The following FLNB variants were observed in gnomAD, a reference collection of about 807,000 sequenced individuals.
The protein encoded by FLNB is filamin B, also known as filamin-B.
A neutral mutation model predicts 250.6 loss-of-function variants in FLNB; 111 were observed. The ratio of observed to expected loss-of-function variants is 0.44; its 90% CI spans 0.38 to 0.52. FLNB has a LOEUF of 0.52. Ranked by LOEUF, FLNB falls within the 20% of genes least tolerant of loss-of-function variation. FLNB has a pLI of 0.00. For missense variants in FLNB, 2,869 were observed against 3,447.8 expected, an observed-to-expected ratio of 0.83 and a Z score of 4.20; for synonymous variants, 1,302 against 1,372.1, an observed-to-expected ratio of 0.95 and a Z score of 1.13.
chr3:58,020,889 C>A (rs2097113014), intron 1 of FLNB, among the ~76,000 whole-genome samples: 1 of 151,990 alleles, frequency 6.6e-6, no homozygotes, highest in South Asian at 2.1e-4. Flanking sequence ...AAGCAGCAGT[C>A]AGCTTTCCTT....
chr3:58,031,241 A>G (rs1037573142), intron 1 of FLNB, among the ~76,000 whole-genome samples: 45 of 151,728 alleles, frequency 3.0e-4, no homozygotes, highest in Admixed American at 4.0e-4. Flanking sequence ...TGTGTCTTTT[A>G]TTTATTTATT....
At chr3:58,032,434 A>C (rs751548766) in intron 1 of FLNB, among the ~76,000 whole-genome samples, 42 of 152,170 alleles carry the variant, frequency 2.8e-4, no homozygotes, top group African/African-American at 3.6e-4. Flanking sequence ...TGAACGTGGC[A>C]GACTTGGGAT....
intron 41 of FLNB, among the ~76,000 whole-genome samples, chr3:58,156,371 A>T (rs1019086284): frequency 6.6e-5 from 10 of 152,234 alleles, no homozygotes; most frequent in Admixed American, 6.5e-4. Flanking sequence ...GCCTGTTCAT[A>T]ACTGGTTAAG....
At chr3:58,143,839 G>T (rs1397208974) in intron 32 of FLNB, among the ~76,000 whole-genome samples, 1 of 152,218 alleles carries the variant, frequency 6.6e-6, no homozygotes, top group Non-Finnish European at 1.5e-5. Context: ...AGGCCTTTGG[G>T]TCTGTGGTTG....
Position 58,159,482 on chromosome 3 carries a change from G to A in FLNB, c.6889-72G>A, listed in dbSNP as rs200891953. 1.3e-3 allele frequency: 1,886 copies of A among 1,489,026 alleles called. 3 individuals are homozygous for A. Among genetic ancestry groups the A allele is most frequent in the Non-Finnish European group, 1.6e-3 (1,738 of 1,067,006 alleles). The allele number at this position is 1,489,026 out of a possible 1,614,324, so 92.2% of individuals were successfully genotyped here. A position where few individuals can be genotyped will look rare whatever the true frequency, so the allele number is the denominator to read the frequency against. ...CATGAGAACTGTCACCCACAGTTTTGGGTAGGGTCAGTGTGTGCCACTGAG... is the reference window on the plus strand; with the variant it reads ...CATGAGAACTGTCACCCACAGTTTTAGGTAGGGTCAGTGTGTGCCACTGAG... On this transcript the variant is annotated intron_variant, in intron 41 of 45. Coordinates refer to ENST00000295956, the MANE Select transcript of FLNB (RefSeq NM_001457.4).
At position 58,077,082 on chromosome 3, in the gene FLNB, T is replaced by G; in HGVS notation, c.329T>G (p.Ile110Ser). The change falls in exon 2 of 46, where the codon ATC becomes AGC. Residue 110 changes from isoleucine (I) to serine (S), a missense_variant. Physicochemically the swap from Ile to Ser is moderately radical, Grantham distance 142. Around this residue, in one of 5 missense-constraint regions of FLNB, gnomAD observed 308 missense variants for 466.1 expected, o/e 0.66. Coordinates refer to ENST00000295956, the MANE Select transcript of FLNB (RefSeq NM_001457.4). ...ATTGTGGATGGGAACCTGAAGCTCA[T>G]CTTGGGTCTGGTGTGGACGCTGATC... ...KAIVDGNLKL[I>S]LGLVWTLILH... 3 of 1,614,142 alleles carry G rather than the reference T, an allele frequency of 1.9e-6. No homozygotes were observed. Among genetic ancestry groups the G allele is most frequent in the Non-Finnish European group, 2.5e-6 (3 of 1,180,012 alleles).
intron 4 of FLNB, 58 bp downstream of exon 4, chr3:58,081,834 T>C: frequency 6.3e-7 from 1 of 1,580,850 alleles, no homozygotes; most frequent in Non-Finnish European, 8.7e-7. Context: ...TTGGAGATGA[T>C]TTCATGGCTT....
rs1298759312 is a variant in FLNB, at chr3:58,139,368, C to T, written c.5109+839C>T. On this transcript the variant is annotated intron_variant, in intron 29 of 45. Transcript: ENST00000295956. ...GTCCTTTGATACTGTGGTCAGCAGC[C>T]GCACTTGACCACAAGGTTTATAGGC... Among the ~76,000 whole-genome samples, 6 of 152,150 alleles carry T rather than the reference C, an allele frequency of 3.9e-5. No individual in the cohort carries two copies. In the South Asian group the frequency reaches 6.2e-4, roughly 16 times the overall value.
Position 58,141,913 on chromosome 3 carries a change from C to T in FLNB, c.5165C>T (p.Pro1722Leu). ...VEEAPVNACP[P>L]GFRPWVTEEA... is the part of the protein sequence containing the mutation. ...GAGGCACCGGTAAATGCATGTCCCC[C>T]TGGATTCAGGCCCTGGGTACAATTT... Residue 1722 changes from proline (P) to leucine (L), a missense_variant, in exon 30 of 46, where the codon CCT (proline) becomes CTT (leucine). By Grantham distance (98) the Pro-to-Leu change is moderately conservative. Transcript: ENST00000295956. 9 of 1,614,158 alleles carry T rather than the reference C, an allele frequency of 5.6e-6. No individual in the cohort carries two copies. The highest frequency in any genetic ancestry group is 7.6e-6 in the Non-Finnish European group (9 of 1,179,998).
intron 1 of FLNB, among the ~76,000 whole-genome samples, chr3:58,033,683 G>A (rs1247591030): frequency 3.3e-5 from 5 of 152,086 alleles, no homozygotes; most frequent in African/African-American, 7.2e-5. Flanking sequence ...GAGCCACTAC[G>A]CCCTGCCAGT....
intron 1 of FLNB, among the ~76,000 whole-genome samples, chr3:58,014,046 T>C (rs992029801): frequency 2.0e-5 from 3 of 152,204 alleles, no homozygotes; most frequent in Non-Finnish European, 2.9e-5. Flanking sequence ...AAAAGGCTGT[T>C]ATAAAGATTA....
intron 43 of FLNB, among the ~76,000 whole-genome samples, chr3:58,167,516 A>G (rs566199644): frequency 1.3e-5 from 2 of 152,342 alleles, no homozygotes; most frequent in African/African-American, 4.8e-5. Context: ...CTGCATGGGG[A>G]TGCTATGCCA....
At chr3:58,119,138 C>A in intron 19 of FLNB, 149 bp downstream of exon 19, 1 of 716,854 alleles carries the variant, frequency 1.4e-6, no homozygotes, top group Non-Finnish European at 2.5e-6. Flanking sequence ...CGAATTAAGG[C>A]CGTGGTGTGA....
At position 58,141,728 on chromosome 3, in the gene FLNB, T is replaced by G. The variant is rs2097327460; in HGVS notation, c.5110-130T>G. 3.4e-6 allele frequency: 3 copies of G among 872,050 alleles called. No individual in the cohort carries two copies. In the Admixed American group the frequency reaches 5.4e-5, roughly 16 times the overall value. 54.0% of individuals were successfully genotyped at this position (872,050 alleles called of 1,614,324 possible). A position where few individuals can be genotyped will look rare whatever the true frequency, so the allele number is the denominator to read the frequency against. ...CTTCCAAAAGGGCAGTAAGAAAGTG[T>G]CCTTCGCTAGAGTGAGTGGCTCACT... On this transcript the variant is annotated intron_variant, in intron 29 of 45. Transcript: ENST00000295956.
Position 58,094,761 on chromosome 3 carries a change from A to G in FLNB, c.788-75A>G, listed in dbSNP as rs1026034036. Reference sequence around the variant, plus strand: ...CTGGGTCCCATCTCTCAGTTCCCTGAAAGAGATGCAGTGGGCGATGGCTCA... The same window carrying G: ...CTGGGTCCCATCTCTCAGTTCCCTGGAAGAGATGCAGTGGGCGATGGCTCA... On this transcript the variant is annotated intron_variant, in intron 4 of 45. Coordinates refer to ENST00000295956, the MANE Select transcript of FLNB (RefSeq NM_001457.4). The G allele has an allele frequency of 6.5e-6, 8 of 1,229,874 alleles. No individual in the cohort carries two copies. The East Asian group carries it at 1.9e-4, about 29-fold the overall frequency. 76.2% of individuals were successfully genotyped at this position (1,229,874 alleles called of 1,614,324 possible). A position where few individuals can be genotyped will look rare whatever the true frequency, so the allele number is the denominator to read the frequency against.
chr3:58,017,018 C>T (rs2097106703), intron 1 of FLNB, among the ~76,000 whole-genome samples: 1 of 152,138 alleles, frequency 6.6e-6, no homozygotes, highest in African/African-American at 2.4e-5. Flanking sequence ...TCTTCAGGAG[C>T]TTGAGAAGTG....
rs1461979492 is a variant in FLNB at position 58,132,821 on chromosome 3, A to G, written c.4404A>G (p.Pro1468=). The change falls in exon 26 of 46, where the codon CCA becomes CCG. Residue 1468 remains proline, a synonymous_variant. Transcript: ENST00000295956. ...RVLGPRGLVE[P]VNVVDNGDGT... is the part of the protein sequence containing the mutation. The stretch of plus-strand genomic sequence containing the variant: ...CTCTGTCCTCAGGCTTGGTGGAGCC[A>G]GTGAACGTGGTGGACAATGGAGATG... 1 of 1,614,076 alleles carries G rather than the reference A, an allele frequency of 6.2e-7. No homozygotes were observed. The highest frequency in any genetic ancestry group is 1.3e-5 in the African/African-American group (1 of 74,932).
intron 11 of FLNB, among the ~76,000 whole-genome samples, chr3:58,105,916 G>A (rs1216718327): frequency 6.6e-6 from 1 of 152,188 alleles, no homozygotes. Context: ...CTTCTAGAGA[G>A]ATGATATGAA....
intron 1 of FLNB, among the ~76,000 whole-genome samples, chr3:58,036,196 C>T (rs1184732098): frequency 1.3e-5 from 2 of 152,092 alleles, no homozygotes; most frequent in Admixed American, 1.3e-4. Flanking sequence ...GGCTTTGGAC[C>T]CCAGTTTTGT....
Sources: allele counts gnomAD v4.1 joint callset (sites outside exome capture counted in the v4.1 genomes callset), GRCh38; gene constraint gnomAD v4.1.1; regional missense constraint gnomAD v4.1.1; transcripts MANE v1.5; gene names NCBI Gene and HGNC (gene_info 2026-07-23, HGNC 2026-07-21).